Variants in BCR observed in about 807,000 individuals in gnomAD.
BCR encodes breakpoint cluster region protein.
Under a neutral mutation model 138.6 loss-of-function variants are expected in BCR, and 58 were observed. That is an observed-to-expected ratio of 0.42 (90% CI 0.34 to 0.52). BCR has a LOEUF of 0.52. Ranked by LOEUF, BCR falls within the 20% of genes least tolerant of loss-of-function variation. BCR has a pLI of 0.06. For synonymous variants in BCR, 786 were observed against 730.1 expected (o/e 1.08, Z -1.23); for missense variants, 1,599 against 1,727.2 (o/e 0.93, Z 1.32).
intron 1 of BCR, among the ~76,000 whole-genome samples, chr22:23,241,313 A>G (rs1047779565): frequency 4.6e-5 from 7 of 152,160 alleles, no homozygotes; most frequent in African/African-American, 1.4e-4. Context: ...AGCAGGGGGA[A>G]GTCCCTCTTC....
intron 6 of BCR, among the ~76,000 whole-genome samples, chr22:23,271,910 C>G (rs1004813991): frequency 5.9e-5 from 9 of 151,806 alleles, no homozygotes; most frequent in Admixed American, 3.3e-4. Context: ...ACTGCAACCT[C>G]CACTTCCCGG....
intron 19 of BCR, 51 bp downstream of exon 19, chr22:23,311,887 G>A (rs749891989): frequency 4.5e-5 from 72 of 1,600,974 alleles, no homozygotes; most frequent in Non-Finnish European, 5.5e-5. Context: ...AATGGTGTCC[G>A]CGATGAGATC....
chr22:23,257,244 AC>A (rs2073304522), intron 2 of BCR, among the ~76,000 whole-genome samples: 1 of 151,974 alleles, frequency 6.6e-6, no homozygotes, highest in Non-Finnish European at 1.5e-5. Context: ...TCTTGTCTCC[AC>A]CCCACCCCGT....
chr22:23,199,942 G>T (rs564147844), intron 1 of BCR, among the ~76,000 whole-genome samples: 1 of 152,110 alleles, frequency 6.6e-6, no homozygotes, highest in Non-Finnish European at 1.5e-5. Context: ...AAAAAAATTA[G>T]CCGGGCGTGG....
intron 22 of BCR, 41 bp from the exon 23 acceptor site, chr22:23,315,392 C>T (rs532567122): frequency 6.4e-5 from 102 of 1,590,868 alleles, no homozygotes; most frequent in South Asian, 3.0e-4. Context: ...CTGTGAGCCC[C>T]GCTCTGAGCC....
At chr22:23,233,419 C>T (rs1234460359) in intron 1 of BCR, among the ~76,000 whole-genome samples, 60 of 152,136 alleles carry the variant, frequency 3.9e-4, no homozygotes, top group Non-Finnish European at 4.4e-5. Flanking sequence ...CATGAGGCTC[C>T]CTTCTGTGGT....
intron 4 of BCR, chr22:23,263,766 G>T (rs960216001): frequency 7.0e-7 from 1 of 1,425,642 alleles, no homozygotes; most frequent in East Asian, 2.3e-5. Context: ...TCATATCATT[G>T]TGAGTGGCTC....
intron 4 of BCR, chr22:23,264,233 C>A: frequency 9.8e-7 from 1 of 1,018,174 alleles, no homozygotes; most frequent in Non-Finnish European, 1.6e-6. Context: ...AAAGGGCCTG[C>A]CCGCACACCT....
At chr22:23,231,189 C>T (rs2072954423) in intron 1 of BCR, among the ~76,000 whole-genome samples, 1 of 152,080 alleles carries the variant, frequency 6.6e-6, no homozygotes, top group South Asian at 2.1e-4. Context: ...CCTTCCTCTG[C>T]TGCTGCATAG....
At chr22:23,211,256 G>A (rs1167809079) in intron 1 of BCR, among the ~76,000 whole-genome samples, 3 of 152,154 alleles carry the variant, frequency 2.0e-5, no homozygotes, top group Non-Finnish European at 4.4e-5. Flanking sequence ...GGAGTGCAGT[G>A]GCGCGATCTC....
intron 1 of BCR, among the ~76,000 whole-genome samples, chr22:23,242,101 T>C (rs2146256176): frequency 6.6e-6 from 1 of 152,314 alleles, no homozygotes; most frequent in East Asian, 1.9e-4. Flanking sequence ...TCATTAGTTT[T>C]ACAGGTGCAT....
At chr22:23,212,688 C>T (rs947375443) in intron 1 of BCR, among the ~76,000 whole-genome samples, 13 of 152,280 alleles carry the variant, frequency 8.5e-5, no homozygotes, top group African/African-American at 2.9e-4. Flanking sequence ...TACCCCAGAG[C>T]GTTGCTGTGT....
Position 23,181,013 on chromosome 22 carries a change from C to G in BCR, c.53C>G (p.Ser18Ter). The change falls in exon 1 of 23, where the codon TCA (serine) becomes TGA (stop). Residue 18 changes from serine (S) to a stop codon, truncating the protein, a stop_gained. Coordinates refer to ENST00000305877, the MANE Select transcript of BCR (RefSeq NM_004327.4). LOFTEE classifies it high-confidence loss of function. Reference sequence around the variant, plus strand: ...GCGTGGAAGGCGCAGTTCCCGGACTCAGAGCCCCCGCGCATGGAGCTGCGC... The same window carrying G: ...GCGTGGAAGGCGCAGTTCCCGGACTGAGAGCCCCCGCGCATGGAGCTGCGC... ...AEAWKAQFPD[S>*]EPPRMELRSV... 1 of 1,486,984 alleles carries G rather than the reference C, an allele frequency of 6.7e-7. No individual in the cohort carries two copies. Among genetic ancestry groups the G allele is most frequent in the Non-Finnish European group, 9.0e-7 (1 of 1,108,912 alleles). 92.1% of individuals were successfully genotyped at this position (1,486,984 alleles called of 1,614,324 possible). A position where few individuals can be genotyped will look rare whatever the true frequency, so the allele number is the denominator to read the frequency against.
chr22:23,226,192 A>G (rs191178427), intron 1 of BCR, among the ~76,000 whole-genome samples: 125 of 152,336 alleles, frequency 8.2e-4, no homozygotes, highest in East Asian at 6.5e-3. Flanking sequence ...ATTATGTATG[A>G]ATCAAGATCC....
intron 1 of BCR, among the ~76,000 whole-genome samples, chr22:23,233,808 AAAAAG>A (rs1162263486): frequency 4.8e-4 from 47 of 98,060 alleles, no homozygotes; most frequent in South Asian, 7.1e-4. Flanking sequence ...AAAAAAGAAA[AAAAAG>A]AAAAAAAAAA....
chr22:23,250,605 G>C (rs769953400), intron 1 of BCR, among the ~76,000 whole-genome samples: 2 of 152,120 alleles, frequency 1.3e-5, no homozygotes, highest in African/African-American at 2.4e-5. Context: ...AAGTCTGGAG[G>C]GTCATGGGGT....
chr22:23,266,762 C>G (rs1362136516), intron 4 of BCR, among the ~76,000 whole-genome samples: 1 of 152,250 alleles, frequency 6.6e-6, no homozygotes, highest in African/African-American at 2.4e-5. Flanking sequence ...TTCTGCGTAA[C>G]AGCACCACAG....
At chr22:23,183,012 G>A (rs547259544) in intron 1 of BCR, among the ~76,000 whole-genome samples, 203 of 152,344 alleles carry the variant, frequency 1.3e-3, no homozygotes, top group Middle Eastern at 6.8e-3. Flanking sequence ...CCCATTTGCT[G>A]ACCCTCCAGT....
chr22:23,248,181 T>C (rs1206993509), intron 1 of BCR, among the ~76,000 whole-genome samples: 2 of 152,050 alleles, frequency 1.3e-5, no homozygotes, highest in Non-Finnish European at 2.9e-5. Context: ...CCATCTATAC[T>C]TAAAATACGA....
Sources: gnomAD v4.1 joint callset for allele counts (sites outside exome capture counted in the v4.1 genomes callset) on GRCh38, gnomAD v4.1.1 for gene constraint, MANE v1.5 for transcripts, NCBI Gene and HGNC (gene_info 2026-07-23, HGNC 2026-07-21) for gene names.